Variants in TEX101 observed in about 807,000 individuals in gnomAD.
TEX101 encodes the protein testis-expressed protein 101.
TEX101 carries 10 observed loss-of-function variants against 18.1 expected under a neutral mutation model. The ratio of observed to expected loss-of-function variants is 0.55; its 90% confidence interval spans 0.34 to 0.94. TEX101 has a LOEUF of 0.94. Ranked by LOEUF, TEX101 falls within the 40% of genes least tolerant of loss-of-function variation. The pLI, the probability that TEX101 is intolerant of heterozygous loss-of-function variation, is 0.02. For synonymous variants in TEX101, 94 were observed against 114.8 expected, an observed-to-expected ratio of 0.82 and a Z score of 1.16; for missense variants, 259 against 298.9, an observed-to-expected ratio of 0.87 and a Z score of 0.98.
At chr19:43,415,689 A>G (rs10407131) in intron 1 of TEX101, among the ~76,000 whole-genome samples, 192 bp from the exon 2 acceptor site, 44,686 of 151,320 alleles carry the variant, frequency 0.3, 7,030 homozygotes, top group East Asian at 0.59. Flanking sequence ...CTTGAACCTG[A>G]TAGGCAGAGG....
At chr19:43,395,346 T>C in the TEX101 span, among the ~76,000 whole-genome samples, 3 of 152,232 alleles carry the variant, frequency 2.0e-5, no homozygotes, top group African/African-American at 7.2e-5. Context: ...AAAATAATCC[T>C]TATACAAATG....
chr19:43,393,076 G>GAAGA, the TEX101 span, among the ~76,000 whole-genome samples: 1 of 145,368 alleles, frequency 6.9e-6, no homozygotes, highest in Non-Finnish European at 1.5e-5. Flanking sequence ...AGAAAGAAGG[G>GAAGA]AAGGAAGGAA....
the TEX101 span, among the ~76,000 whole-genome samples, chr19:43,390,754 C>G: frequency 3.5e-3 from 528 of 151,664 alleles, 1 homozygote; most frequent in African/African-American, 0.012. Flanking sequence ...CGTAAGCCAC[C>G]TCGCCCGGCC....
chr19:43,400,921 G>GT (rs1282867156), upstream of TEX101, among the ~76,000 whole-genome samples: 2 of 151,842 alleles, frequency 1.3e-5, no homozygotes, highest in Admixed American at 6.6e-5. Flanking sequence ...AGGCAAATAT[G>GT]TTTTTTTAAA....
chr19:43,404,798 A>G (rs1409207728), intron 2 of TEX101, among the ~76,000 whole-genome samples: 1 of 151,460 alleles, frequency 6.6e-6, no homozygotes, highest in African/African-American at 2.4e-5. Flanking sequence ...TGTGCACTTT[A>G]CTCTGTTTTT....
At chr19:43,396,185 T>G in the TEX101 span, among the ~76,000 whole-genome samples, 1 of 152,206 alleles carries the variant, frequency 6.6e-6, no homozygotes, top group Non-Finnish European at 1.5e-5. Context: ...TCCTGACAGA[T>G]TCCACCAGCA....
Position 43,416,444 on chromosome 19 carries a change from C to T in TEX101, c.280C>T (p.His94Tyr), listed in dbSNP as rs781064707. ...EGEEAITIVQ[H>Y]SSPPGLIVTS... ...GGAGGAGGCCATAACAATTGTCCAGCACTCTTCACCTCCCGGCCTGATCGT... is the reference window on the plus strand; with the variant it reads ...GGAGGAGGCCATAACAATTGTCCAGTACTCTTCACCTCCCGGCCTGATCGT... The change falls in exon 4 of 6, where the codon CAC becomes TAC. Residue 94 changes from histidine to tyrosine, a missense_variant. Transcript: ENST00000598265. 4 of 1,614,194 alleles carry T rather than the reference C, an allele frequency of 2.5e-6. No homozygotes were observed. The highest frequency in any genetic ancestry group is 2.5e-6 in the Non-Finnish European group (3 of 1,180,032).
chr19:43,404,300 C>A (rs1455680708), intron 2 of TEX101, among the ~76,000 whole-genome samples: 1 of 151,924 alleles, frequency 6.6e-6, no homozygotes, highest in African/African-American at 2.4e-5. Flanking sequence ...GAGGAATGGG[C>A]AATAATTCTA....
At chr19:43,413,508 A>G (rs1251850181), upstream of TEX101, among the ~76,000 whole-genome samples, 2 of 151,912 alleles carry the variant, frequency 1.3e-5, no homozygotes, top group African/African-American at 4.8e-5. Flanking sequence ...AAAAAAAAAA[A>G]AAAGGCCAAG....
chr19:43,414,734 C>A, upstream of TEX101: 2 of 681,650 alleles, frequency 2.9e-6, no homozygotes, highest in Non-Finnish European at 3.6e-6. Flanking sequence ...ACCTTCCGAG[C>A]ATGCGCACCC....
chr19:43,391,647 G>C, the TEX101 span, among the ~76,000 whole-genome samples: 12 of 152,058 alleles, frequency 7.9e-5, no homozygotes, highest in Non-Finnish European at 1.5e-4. Context: ...AAACCTTCCC[G>C]GGTGCACAGA....
At chr19:43,402,298 T>C (rs902162323) in intron 1 of TEX101, among the ~76,000 whole-genome samples, 3 of 152,230 alleles carry the variant, frequency 2.0e-5, no homozygotes, top group Non-Finnish European at 4.4e-5. Context: ...CAGTTCTCTG[T>C]GTGATTGATT....
At chr19:43,399,802 A>ATTTTTT (rs71169230), upstream of TEX101, among the ~76,000 whole-genome samples, 1 of 113,268 alleles carries the variant, frequency 8.8e-6, no homozygotes, top group African/African-American at 3.4e-5. Context: ...CCTATGTCCT[A>ATTTTTT]TTTTTTTTTT....
upstream of TEX101, among the ~76,000 whole-genome samples, chr19:43,414,650 C>G (rs953507695): frequency 2.0e-5 from 3 of 152,340 alleles, no homozygotes; most frequent in South Asian, 4.1e-4. Context: ...TCTGGCAACG[C>G]ACTGCCCACC....
At chr19:43,412,156 T>C (rs1217980518), upstream of TEX101, among the ~76,000 whole-genome samples, 1 of 152,186 alleles carries the variant, frequency 6.6e-6, no homozygotes, top group Non-Finnish European at 1.5e-5. Context: ...AGAGGTTTGA[T>C]TGGCTCAAGG....
intron 2 of TEX101, among the ~76,000 whole-genome samples, chr19:43,405,883 C>A (rs180972011): frequency 7.8e-4 from 119 of 152,064 alleles, no homozygotes; most frequent in African/African-American, 2.8e-3. Flanking sequence ...CCAGTGCAAT[C>A]CAGCCTGGGG....
Position 43,418,007 on chromosome 19 carries a change from G to T in TEX101, c.520+1G>T. On this transcript the variant is annotated splice_donor_variant, in intron 5 of 5. Coordinates refer to ENST00000598265, the MANE Select transcript of TEX101 (RefSeq NM_001130011.3). LOFTEE classifies it high-confidence loss of function. ...CAAGGAAAACTTGAGATCACTGGAG[G>T]TAAACTGAAATGAACATCTGATAGT... The T allele has an allele frequency of 6.2e-7, 1 of 1,614,152 alleles. No individual in the cohort carries two copies. Among genetic ancestry groups the T allele is most frequent in the Non-Finnish European group, 8.5e-7 (1 of 1,180,028 alleles).
rs1216012565 is a variant in TEX101 at position 43,415,002 on chromosome 19, A to C, written c.-76A>C. On this transcript the variant is annotated 5_prime_UTR_variant, in exon 1 of 6. Coordinates refer to ENST00000598265, the MANE Select transcript of TEX101 (RefSeq NM_001130011.3). ...CAGCAATTTTGCTTCTTTAAAGAGA[A>C]AAAGAAGGCTAGGGACTCAGATTCC... 3.0e-6 allele frequency: 3 copies of C among 985,320 alleles called. No individual in the cohort carries two copies. The African/African-American group carries it at 5.2e-5, about 17-fold the overall frequency. 61.0% of individuals were successfully genotyped at this position (985,320 alleles called of 1,614,324 possible). A position where few individuals can be genotyped will look rare whatever the true frequency, so the allele number is the denominator to read the frequency against.
upstream of TEX101, among the ~76,000 whole-genome samples, chr19:43,412,056 G>A (rs1377175918): frequency 6.6e-6 from 1 of 152,148 alleles, no homozygotes; most frequent in Non-Finnish European, 1.5e-5. Flanking sequence ...CACCAAAAAG[G>A]CAAAGCCACC....
Sources: allele counts gnomAD v4.1 joint callset (sites outside exome capture counted in the v4.1 genomes callset), GRCh38; gene constraint gnomAD v4.1.1; transcripts MANE v1.5; gene names NCBI Gene and HGNC (gene_info 2026-07-23, HGNC 2026-07-21).